SDCBP: variants seen among roughly 807,000 people sequenced by gnomAD.
SDCBP encodes syntenin-1.
In SDCBP, 22 loss-of-function variants were observed where a neutral mutation model predicts 30.5. The ratio of observed to expected loss-of-function variants is 0.72; its 90% confidence interval spans 0.52 to 1.03. SDCBP has a LOEUF of 1.03. Among genes scored for constraint, SDCBP ranks in the 50% least tolerant of loss-of-function variants. The pLI, the probability that SDCBP is intolerant of heterozygous loss-of-function variation, is 0.00. For missense variants in SDCBP, 304 were observed against 369.9 expected, an observed-to-expected ratio of 0.82 and a Z score of 1.46; for synonymous variants, 103 against 118.7, an observed-to-expected ratio of 0.87 and a Z score of 0.86.
chr8:58,572,951 C>G (rs559239587), intron 4 of SDCBP, among the ~76,000 whole-genome samples: 1 of 151,648 alleles, frequency 6.6e-6, no homozygotes, highest in Non-Finnish European at 1.5e-5. Context: ...AGACTACAAG[C>G]GCGCGCCACC....
intron 8 of SDCBP, 145 bp from the exon 9 acceptor site, chr8:58,581,541 C>T: frequency 3.1e-6 from 2 of 636,950 alleles, no homozygotes; most frequent in East Asian, 2.8e-5. Flanking sequence ...CTTCTGGACT[C>T]ATTTAAAAGA....
intron 7 of SDCBP, 74 bp downstream of exon 7, chr8:58,579,868 C>T (rs1246367167): frequency 1.2e-5 from 16 of 1,388,456 alleles, no homozygotes; most frequent in East Asian, 5.0e-5. Flanking sequence ...ATTTAGGTGG[C>T]GCTGTTTTCA....
At chr8:58,559,313 A>G (rs1020907111) in intron 1 of SDCBP, among the ~76,000 whole-genome samples, 1 of 152,198 alleles carries the variant, frequency 6.6e-6, no homozygotes, top group Non-Finnish European at 1.5e-5. Context: ...GCCAGGTAAC[A>G]TTCTTTTCAG....
rs1224275091 is a variant in SDCBP, at chr8:58,581,984, G to C, written c.*244G>C. 3.7e-5 allele frequency: 18 copies of C among 482,264 alleles called. No individual in the cohort carries two copies. The highest frequency in any genetic ancestry group is 2.5e-5 in the South Asian group (1 of 40,700). The allele number at this position is 482,264 out of a possible 1,614,324, so 29.9% of individuals were successfully genotyped here. ...TTCAAGAGATTTACTGACTTTCCTA[G>C]AATAGTTTCTCTACTGGAAACCTGA... On this transcript the variant is annotated 3_prime_UTR_variant, in exon 9 of 9. Transcript: ENST00000260130.
chr8:58,555,964 T>C (rs891242029), intron 1 of SDCBP, among the ~76,000 whole-genome samples: 1 of 152,184 alleles, frequency 6.6e-6, no homozygotes, highest in African/African-American at 2.4e-5. Flanking sequence ...ACAACTTTAC[T>C]AGAAATTTTA....
chr8:58,564,823 G>A (rs992744074), intron 1 of SDCBP, among the ~76,000 whole-genome samples, 196 bp from the exon 2 acceptor site: 1 of 152,164 alleles, frequency 6.6e-6, no homozygotes, highest in African/African-American at 2.4e-5. Flanking sequence ...AGGGGAAGGA[G>A]AGGTAGTTTG....
chr8:58,555,238 G>T (rs1398424981), intron 1 of SDCBP, among the ~76,000 whole-genome samples: 3 of 152,016 alleles, frequency 2.0e-5, no homozygotes, highest in Non-Finnish European at 4.4e-5. Context: ...TACACTTCAG[G>T]TTTTGAGACC....
intron 7 of SDCBP, among the ~76,000 whole-genome samples, chr8:58,580,274 G>C (rs773384446): frequency 6.6e-6 from 1 of 152,048 alleles, no homozygotes; most frequent in Non-Finnish European, 1.5e-5. Flanking sequence ...ATTGTATATG[G>C]GGAAAATTAT....
intron 2 of SDCBP, among the ~76,000 whole-genome samples, chr8:58,569,580 T>C (rs1332908235): frequency 6.6e-6 from 1 of 152,240 alleles, no homozygotes; most frequent in African/African-American, 2.4e-5. Context: ...CCTTTTGAGA[T>C]TGGCTTCTTT....
intron 1 of SDCBP, among the ~76,000 whole-genome samples, chr8:58,555,455 ATT>A (rs1248277904): frequency 6.6e-6 from 1 of 152,184 alleles, no homozygotes; most frequent in Non-Finnish European, 1.5e-5. Context: ...TAATTATTCT[ATT>A]ACAGTGGACT....
At chr8:58,566,097 AT>A (rs548936249) in intron 2 of SDCBP, among the ~76,000 whole-genome samples, 267 of 152,274 alleles carry the variant, frequency 1.8e-3, no homozygotes, top group African/African-American at 6.1e-3. Flanking sequence ...CAAGTGGCCT[AT>A]TCAGTCATCT....
chr8:58,553,900 T>C (rs1803960697), intron 1 of SDCBP, among the ~76,000 whole-genome samples: 1 of 152,134 alleles, frequency 6.6e-6, no homozygotes, highest in African/African-American at 2.4e-5. Flanking sequence ...CCTGGAGAAG[T>C]TGGACCTGAG....
chr8:58,581,824 C>A lies in SDCBP; in HGVS notation c.*84C>A. 9.0e-7 allele frequency: 1 copy of A among 1,113,154 alleles called. No homozygotes were observed. 69.0% of individuals were successfully genotyped at this position (1,113,154 alleles called of 1,614,324 possible). ...CTGTATTATGCACGTGAAGCCTTCC[C>A]GGAGCCAGCGAGCATATGCTGCATG... On this transcript the variant is annotated 3_prime_UTR_variant, in exon 9 of 9. Transcript: ENST00000260130.
intron 2 of SDCBP, among the ~76,000 whole-genome samples, chr8:58,566,854 C>G (rs1408840322): frequency 6.6e-6 from 1 of 152,206 alleles, no homozygotes; most frequent in Non-Finnish European, 1.5e-5. Context: ...ATTTTGTAAA[C>G]TATTCTGCAG....
At position 58,581,698 on chromosome 8, in the gene SDCBP, C is replaced by T; in HGVS notation, c.855C>T (p.Ser285=). 6.2e-7 allele frequency: 1 copy of T among 1,612,184 alleles called. No individual in the cohort carries two copies. The highest frequency in any genetic ancestry group is 1.3e-5 in the African/African-American group (1 of 74,960). ...FEHIIKRMAP[S]IMKSLMDHTI... ...ACCTCTCTTGTAGGATGGCACCAAGCATTATGAAAAGCCTAATGGACCACA... is the reference window on the plus strand; with the variant it reads ...ACCTCTCTTGTAGGATGGCACCAAGTATTATGAAAAGCCTAATGGACCACA... Residue 285 remains serine (S), a synonymous_variant, in exon 9 of 9, where the codon AGC becomes AGT. Coordinates refer to ENST00000260130, the MANE Select transcript of SDCBP (RefSeq NM_005625.4).
chr8:58,564,543 G>A (rs1038157235), intron 1 of SDCBP, among the ~76,000 whole-genome samples: 6 of 152,160 alleles, frequency 3.9e-5, no homozygotes, highest in South Asian at 2.1e-4. Context: ...ATATATGTGT[G>A]TATATATTTT....
chr8:58,562,359 A>T (rs1212601685), intron 1 of SDCBP, among the ~76,000 whole-genome samples: 1 of 152,172 alleles, frequency 6.6e-6, no homozygotes, highest in African/African-American at 2.4e-5. Context: ...TAAAACTGAT[A>T]CTGAATTGAT....
At chr8:58,565,866 TTTTAA>T (rs1804681845) in intron 2 of SDCBP, among the ~76,000 whole-genome samples, 1 of 152,152 alleles carries the variant, frequency 6.6e-6, no homozygotes, top group Admixed American at 6.5e-5. Flanking sequence ...TTGTTTATTG[TTTTAA>T]TTTGACAAGA....
At chr8:58,581,516 A>T (rs1805679151) in intron 8 of SDCBP, among the ~76,000 whole-genome samples, 170 bp from the exon 9 acceptor site, 4 of 152,110 alleles carry the variant, frequency 2.6e-5, no homozygotes, top group African/African-American at 7.2e-5. Flanking sequence ...GTCAACAACT[A>T]GATTACCAGA....
Sources: allele counts gnomAD v4.1 joint callset (sites outside exome capture counted in the v4.1 genomes callset), GRCh38; gene constraint gnomAD v4.1.1; transcripts MANE v1.5; gene names NCBI Gene and HGNC (gene_info 2026-07-23, HGNC 2026-07-21).